LRRTM3: variants seen among roughly 807,000 people sequenced by gnomAD.
LRRTM3 encodes the protein leucine rich repeat transmembrane neuronal 3.
Under a neutral mutation model 44.7 loss-of-function variants are expected in LRRTM3, and 24 were observed. The ratio of observed to expected loss-of-function variants is 0.54; its 90% CI spans 0.39 to 0.76. The LOEUF (loss-of-function observed/expected upper bound fraction) is 0.76, where lower values mean the gene tolerates loss of function less well. Ranked by LOEUF, LRRTM3 falls within the 30% of genes least tolerant of loss-of-function variation. The pLI is 0.00. For missense variants in LRRTM3, 587 were observed against 702.2 expected, an observed-to-expected ratio of 0.84 and a Z score of 1.85; for synonymous variants, 277 against 278.7, an observed-to-expected ratio of 0.99 and a Z score of 0.06.
chr10:67,061,246 T>C (rs577617135), intron 2 of LRRTM3, among the ~76,000 whole-genome samples: 28 of 152,172 alleles, frequency 1.8e-4, no homozygotes, highest in Non-Finnish European at 2.8e-4. Flanking sequence ...GCATTTTACC[T>C]TTATTCTCCC....
intron 2 of LRRTM3, among the ~76,000 whole-genome samples, chr10:67,073,053 A>C (rs1169395958): frequency 6.6e-6 from 1 of 152,244 alleles, no homozygotes. Context: ...GGCCCAGTCC[A>C]GTCCTCAGAC....
At chr10:66,983,655 C>T (rs1390911635) in intron 2 of LRRTM3, among the ~76,000 whole-genome samples, 1 of 152,158 alleles carries the variant, frequency 6.6e-6, no homozygotes, top group Non-Finnish European at 1.5e-5. Flanking sequence ...GGCCCAATGC[C>T]AACAGCTTCA....
At chr10:67,081,543 C>A (rs1316175075) in intron 2 of LRRTM3, among the ~76,000 whole-genome samples, 1 of 152,108 alleles carries the variant, frequency 6.6e-6, no homozygotes, top group African/African-American at 2.4e-5. Context: ...TATAAATTGA[C>A]CCATTGTTTC....
In LRRTM3 at chr10:67,005,692, T is replaced by TTTTGTTTTGTTTTG. The variant is rs1554895973; in HGVS notation, c.1536+77243_1536+77244insGTTTTGTTTTGTTT. On this transcript the variant is annotated intron_variant, in intron 2 of 2. Coordinates refer to ENST00000361320, the MANE Select transcript of LRRTM3 (RefSeq NM_178011.5). Reference sequence around the variant, plus strand: ...TTTATTTTACTCCATCTTTTTTTTTTTTTTTTTTTTTGAGACGGAGTCTTG... The same window carrying TTTTGTTTTGTTTTG: ...TTTATTTTACTCCATCTTTTTTTTTTTTTGTTTTGTTTTGTTTTTTTTTTTGAGACGGAGTCTTG... Among the ~76,000 whole-genome samples, 11 of 123,098 alleles carry TTTTGTTTTGTTTTG rather than the reference T, an allele frequency of 8.9e-5. 2 individuals are homozygous for TTTTGTTTTGTTTTG. Among genetic ancestry groups the TTTTGTTTTGTTTTG allele is most frequent in the African/African-American group, 3.1e-4 (11 of 35,740 alleles). 80.8% of individuals were successfully genotyped at this position (123,098 alleles called of 152,430 possible).
chr10:66,983,018 A>G lies in LRRTM3; in HGVS notation c.1536+54566A>G, dbSNP rs1215966384. Among the ~76,000 whole-genome samples the G allele has an allele frequency of 2.0e-5, 3 of 152,248 alleles. No individual in the cohort carries two copies. The East Asian group carries it at 5.8e-4, about 29-fold the overall frequency. ...TAAAGGAAATGCACTAATGAGCAGA[A>G]GGGCAGGTTGCTGAGAGCAGCGACT... On this transcript the variant is annotated intron_variant, in intron 2 of 2. Coordinates refer to ENST00000361320, the MANE Select transcript of LRRTM3 (RefSeq NM_178011.5).
intron 2 of LRRTM3, among the ~76,000 whole-genome samples, chr10:67,076,940 T>C (rs2131865609): frequency 6.6e-6 from 1 of 152,274 alleles, no homozygotes; most frequent in Middle Eastern, 3.4e-3. Flanking sequence ...TGTCAAAATC[T>C]CCTCGTCTTT....
At chr10:67,089,053 G>A (rs994624881) in intron 2 of LRRTM3, among the ~76,000 whole-genome samples, 3 of 151,992 alleles carry the variant, frequency 2.0e-5, no homozygotes, top group South Asian at 2.1e-4. Flanking sequence ...ATGGGAGGAT[G>A]TGTGTGGATT....
chr10:66,943,248 A>C (rs1461785519), intron 2 of LRRTM3, among the ~76,000 whole-genome samples: 2 of 152,240 alleles, frequency 1.3e-5, no homozygotes, highest in Admixed American at 6.5e-5. Flanking sequence ...GAAATGATAG[A>C]TATTTAGCAT....
intron 2 of LRRTM3, among the ~76,000 whole-genome samples, chr10:67,087,152 C>G (rs1857354175): frequency 6.6e-6 from 1 of 152,106 alleles, no homozygotes; most frequent in East Asian, 1.9e-4. Flanking sequence ...GAAAGATTTA[C>G]ATGTAAATGA....
At chr10:66,958,885 T>C (rs1848973873) in intron 2 of LRRTM3, among the ~76,000 whole-genome samples, 1 of 152,134 alleles carries the variant, frequency 6.6e-6, no homozygotes, top group Admixed American at 6.6e-5. Context: ...ACGTGATAAA[T>C]GGGAGGTTCA....
intron 2 of LRRTM3, among the ~76,000 whole-genome samples, chr10:67,083,823 G>A (rs1857170328): frequency 6.6e-6 from 1 of 152,142 alleles, no homozygotes. Flanking sequence ...CTTTTTAAGA[G>A]TCTGATTTAC....
chr10:66,941,077 A>G (rs917696251), intron 2 of LRRTM3, among the ~76,000 whole-genome samples: 1 of 152,248 alleles, frequency 6.6e-6, no homozygotes, highest in Non-Finnish European at 1.5e-5. Context: ...CAGTTTAAGA[A>G]ATAAAAGTCC....
intron 2 of LRRTM3, among the ~76,000 whole-genome samples, chr10:66,965,659 C>T (rs1021289529): frequency 2.7e-5 from 4 of 149,288 alleles, no homozygotes; most frequent in Non-Finnish European, 4.4e-5. Flanking sequence ...GTAGAGAAAA[C>T]GGTTACTGAT....
intron 2 of LRRTM3, among the ~76,000 whole-genome samples, chr10:67,005,428 T>A (rs951189953): frequency 8.5e-5 from 13 of 152,120 alleles, no homozygotes; most frequent in African/African-American, 3.1e-4. Context: ...TATTTCCTAA[T>A]TCAAAATTAT....
At chr10:67,066,413 G>C (rs1048248356) in intron 2 of LRRTM3, among the ~76,000 whole-genome samples, 2 of 151,452 alleles carry the variant, frequency 1.3e-5, no homozygotes, top group African/African-American at 4.9e-5. Flanking sequence ...GGATGATCTC[G>C]ATCTCTTGAC....
chr10:66,939,264 C>A (rs551294412), intron 2 of LRRTM3, among the ~76,000 whole-genome samples: 31 of 152,206 alleles, frequency 2.0e-4, no homozygotes, highest in African/African-American at 7.5e-4. Flanking sequence ...TCCTTTCCTC[C>A]CTTCTGTTCA....
chr10:67,057,127 ATCT>A (rs1855482949), intron 2 of LRRTM3, among the ~76,000 whole-genome samples: 3 of 152,300 alleles, frequency 2.0e-5, no homozygotes, highest in South Asian at 2.1e-4. Context: ...ATTTTGGGAA[ATCT>A]TCTTTTTCAC....
chr10:67,051,576 C>T (rs962953938), intron 2 of LRRTM3, among the ~76,000 whole-genome samples: 4 of 151,424 alleles, frequency 2.6e-5, no homozygotes, highest in African/African-American at 9.7e-5. Flanking sequence ...TCTCCTGCCT[C>T]AATCAGGAGA....
intron 2 of LRRTM3, among the ~76,000 whole-genome samples, chr10:67,049,325 A>G (rs570843156): frequency 6.6e-6 from 1 of 152,262 alleles, no homozygotes; most frequent in African/African-American, 2.4e-5. Flanking sequence ...CAGAACCCCA[A>G]TGTCAGGGAA....
Sources: gnomAD v4.1 joint callset for allele counts (sites outside exome capture counted in the v4.1 genomes callset) on GRCh38, gnomAD v4.1.1 for gene constraint, MANE v1.5 for transcripts, NCBI Gene and HGNC (gene_info 2026-07-23, HGNC 2026-07-21) for gene names.